The following GNA12 variants were observed in gnomAD, a reference collection of about 807,000 sequenced individuals.
GNA12 encodes the protein guanine nucleotide-binding protein subunit alpha-12.
GNA12 carries 9 observed loss-of-function variants against 26.0 expected under a neutral mutation model. The ratio of observed to expected loss-of-function variants is 0.35; its 90% CI spans 0.21 to 0.60. The LOEUF (loss-of-function observed/expected upper bound fraction) is 0.60. GNA12 is among the 20% of genes least tolerant of loss of function. The pLI is 0.78. For missense variants in GNA12, 405 were observed against 525.8 expected (o/e 0.77, Z 2.25); for synonymous variants, 264 against 219.6 (o/e 1.20, Z -1.79).
intron 2 of GNA12, among the ~76,000 whole-genome samples, chr7:2,758,264 A>G (rs919745472): frequency 2.0e-5 from 3 of 152,336 alleles, no homozygotes; most frequent in Non-Finnish European, 1.5e-5. Context: ...AGTGGCTCAC[A>G]CTGTAATCCT....
intron 1 of GNA12, among the ~76,000 whole-genome samples, chr7:2,801,098 G>A (rs924325300): frequency 5.3e-5 from 8 of 152,190 alleles, no homozygotes; most frequent in Non-Finnish European, 1.0e-4. Flanking sequence ...CATCCAGGCA[G>A]ATGCGGCCCA....
rs116597581 is a variant in GNA12, at chr7:2,753,552, G to A, written c.526-20051C>T. On this transcript the variant is annotated intron_variant, in intron 2 of 3. Transcript: ENST00000275364. ...TTTTTACTGCTGGGAGAATTCCATGGTCTGAACGTGCCGCAGTTTATTTAA... is the reference window on the plus strand; with the variant it reads ...TTTTTACTGCTGGGAGAATTCCATGATCTGAACGTGCCGCAGTTTATTTAA... Among the ~76,000 whole-genome samples the A allele has an allele frequency of 5.2e-3, 794 of 152,220 alleles. 7 individuals carry two copies. Among genetic ancestry groups the A allele is most frequent in the African/African-American group, 0.018 (749 of 41,504 alleles).
chr7:2,742,769 A>C (rs768560269), intron 2 of GNA12, among the ~76,000 whole-genome samples: 2 of 152,222 alleles, frequency 1.3e-5, no homozygotes, highest in African/African-American at 4.8e-5. Context: ...ATTTATTCTC[A>C]GGTATGTAAT....
intron 1 of GNA12, among the ~76,000 whole-genome samples, chr7:2,832,984 T>A (rs1778720967): frequency 6.6e-6 from 1 of 152,220 alleles, no homozygotes; most frequent in South Asian, 2.1e-4. Context: ...ATACAAGTCA[T>A]GTTTTCCATT....
At chr7:2,786,596 A>C (rs760776478) in intron 2 of GNA12, among the ~76,000 whole-genome samples, 55 of 152,242 alleles carry the variant, frequency 3.6e-4, no homozygotes, top group Non-Finnish European at 7.5e-4. Context: ...AGCATATAGA[A>C]GTCTAAAGCC....
At position 2,751,842 on chromosome 7, in the gene GNA12, A is replaced by C. The variant is rs965244400; in HGVS notation, c.526-18341T>G. On this transcript the variant is annotated intron_variant, in intron 2 of 3. Coordinates refer to ENST00000275364, the MANE Select transcript of GNA12 (RefSeq NM_007353.3). ...AAATAGAAAATTTGAACAGCCTTTA[A>C]AAGACTGGATTTGTTCTAAAACAAC... Among the ~76,000 whole-genome samples, 3 of 152,232 alleles carry C rather than the reference A, an allele frequency of 2.0e-5. No individual in the cohort carries two copies. In the South Asian group the frequency reaches 6.2e-4, roughly 31 times the overall value.
Position 2,785,629 on chromosome 7 carries a change from G to C in GNA12, c.525+9299C>G, listed in dbSNP as rs1048497439. ...CTGAAAAGTGATGCGGTCTTCATGT[G>C]TAAGTGTATTGTACATGTGCATATA... On this transcript the variant is annotated intron_variant, in intron 2 of 3. Coordinates refer to ENST00000275364, the MANE Select transcript of GNA12 (RefSeq NM_007353.3). 8.5e-5 allele frequency among the ~76,000 whole-genome samples: 13 copies of C among 152,212 alleles called. No individual in the cohort carries two copies. The Middle Eastern group carries it at 0.017, about 199-fold the overall frequency.
intron 1 of GNA12, among the ~76,000 whole-genome samples, chr7:2,833,167 A>G (rs1199744717): frequency 3.3e-5 from 5 of 152,178 alleles, no homozygotes; most frequent in African/African-American, 1.2e-4. Flanking sequence ...TTAAGTACAA[A>G]CAAACCATAA....
intron 2 of GNA12, among the ~76,000 whole-genome samples, chr7:2,779,456 G>A (rs1792164260): frequency 6.6e-6 from 1 of 151,626 alleles, no homozygotes; most frequent in African/African-American, 2.4e-5. Flanking sequence ...GCTACAGTGA[G>A]CTATGATCAC....
intron 1 of GNA12, among the ~76,000 whole-genome samples, chr7:2,820,188 C>A (rs994396237): frequency 6.6e-6 from 1 of 152,094 alleles, no homozygotes; most frequent in South Asian, 2.1e-4. Flanking sequence ...GAGAAATCCA[C>A]GGTGTCGAAA....
chr7:2,782,879 A>T (rs189937895), intron 2 of GNA12, among the ~76,000 whole-genome samples: 1 of 151,406 alleles, frequency 6.6e-6, no homozygotes, highest in East Asian at 1.9e-4. Flanking sequence ...TTCTTCCATT[A>T]TTTCTTCTAG....
At chr7:2,824,286 A>G (rs1431642962) in intron 1 of GNA12, among the ~76,000 whole-genome samples, 2 of 152,122 alleles carry the variant, frequency 1.3e-5, no homozygotes, top group Non-Finnish European at 2.9e-5. Flanking sequence ...TCAGGGACAA[A>G]GAGCCCCTCA....
At chr7:2,823,095 G>A (rs1176000413) in intron 1 of GNA12, among the ~76,000 whole-genome samples, 1 of 152,174 alleles carries the variant, frequency 6.6e-6, no homozygotes, top group African/African-American at 2.4e-5. Context: ...GTAACTATTT[G>A]TATATTATTT....
At chr7:2,822,544 G>C (rs1049813782) in intron 1 of GNA12, among the ~76,000 whole-genome samples, 1 of 152,210 alleles carries the variant, frequency 6.6e-6, no homozygotes, top group Non-Finnish European at 1.5e-5. Context: ...AAGAGCGTGA[G>C]ATCAGCCTCA....
At chr7:2,836,537 G>C (rs1430309981) in intron 1 of GNA12, among the ~76,000 whole-genome samples, 2 of 152,142 alleles carry the variant, frequency 1.3e-5, no homozygotes, top group East Asian at 3.8e-4. Flanking sequence ...CAGAGAAAAA[G>C]AACTCCAAGA....
At chr7:2,760,791 C>A (rs1050109336) in intron 2 of GNA12, among the ~76,000 whole-genome samples, 1 of 152,234 alleles carries the variant, frequency 6.6e-6, no homozygotes, top group East Asian at 1.9e-4. Context: ...ACTGCTGGAC[C>A]GTCCCAGCTG....
chr7:2,745,277 A>G (rs545831530), intron 2 of GNA12, among the ~76,000 whole-genome samples: 58 of 152,342 alleles, frequency 3.8e-4, no homozygotes, highest in African/African-American at 6.3e-4. Context: ...GAGAAAGGTC[A>G]GGTTACCCAC....
At chr7:2,774,012 G>C (rs945276931) in intron 2 of GNA12, among the ~76,000 whole-genome samples, 8 of 152,196 alleles carry the variant, frequency 5.3e-5, no homozygotes, top group African/African-American at 1.4e-4. Context: ...TAACACAGGA[G>C]TAAATACCGT....
chr7:2,761,101 C>T lies in GNA12; in HGVS notation c.526-27600G>A, dbSNP rs148524404. On this transcript the variant is annotated intron_variant, in intron 2 of 3. Coordinates refer to ENST00000275364, the MANE Select transcript of GNA12 (RefSeq NM_007353.3). ...CATCTCATAGAAAGCATTTCCTACACGTCTGGCTCTCGGCTGTGGGGCTCC... is the reference window on the plus strand; with the variant it reads ...CATCTCATAGAAAGCATTTCCTACATGTCTGGCTCTCGGCTGTGGGGCTCC... 4.7e-3 allele frequency among the ~76,000 whole-genome samples: 709 copies of T among 152,356 alleles called. 2 individuals are homozygous for T. Among genetic ancestry groups the T allele is most frequent in the Non-Finnish European group, 8.3e-3 (566 of 68,042 alleles).
Sources: gnomAD v4.1 joint callset for allele counts (sites outside exome capture counted in the v4.1 genomes callset) on GRCh38, gnomAD v4.1.1 for gene constraint, MANE v1.5 for transcripts, NCBI Gene and HGNC (gene_info 2026-07-23, HGNC 2026-07-21) for gene names.